RAB4A: variants seen among roughly 807,000 people sequenced by gnomAD.
RAB4A encodes RAB4A, member RAS oncogene family, also known as ras-related protein Rab-4A.
In RAB4A, 20 loss-of-function variants were observed where a neutral mutation model predicts 34.5. The observed-to-expected ratio is 0.58, with a 90% CI of 0.41 to 0.84. The LOEUF is 0.84. Ranked by LOEUF, RAB4A falls within the 40% of genes least tolerant of loss-of-function variation. The pLI is 0.00. For synonymous variants in RAB4A, 102 were observed against 100.0 expected (o/e 1.02, Z -0.12); for missense variants, 228 against 274.5 (o/e 0.83, Z 1.20).
Position 229,294,787 on chromosome 1 carries a change from G to A in RAB4A, c.228-1061G>A, listed in dbSNP as rs191454444. Among the ~76,000 whole-genome samples the A allele has an allele frequency of 2.0e-4, 31 of 152,254 alleles. No individual in the cohort carries two copies. In the East Asian group the frequency reaches 5.8e-3, roughly 28 times the overall value. On this transcript the variant is annotated intron_variant, in intron 3 of 7. Transcript: ENST00000366690. The stretch of plus-strand genomic sequence containing the variant: ...AGAGGTTGCAGAGAGCTGAGATCGC[G>A]CCATTGCACTCTAGCCTGGGTAACG...
chr1:229,295,879 G>A lies in RAB4A; in HGVS notation c.259G>A (p.Ala87Thr). ...SVTRSYYRGA[A>T]GALLVYDITS... is the part of the protein sequence containing the mutation. ...GACGAGAAGTTATTACCGAGGCGCG[G>A]CCGGGGCTCTCCTCGTCTATGATAT... The change falls in exon 4 of 8, where the codon GCC (alanine) becomes ACC (threonine). Residue 87 changes from alanine (A) to threonine (T), a missense_variant. Ala to Thr is a moderately conservative substitution (Grantham distance 58, BLOSUM62 0). Coordinates refer to ENST00000366690, the MANE Select transcript of RAB4A (RefSeq NM_004578.4). The A allele has an allele frequency of 1.2e-6, 2 of 1,614,084 alleles. No homozygotes were observed. Among genetic ancestry groups the A allele is most frequent in the South Asian group, 2.2e-5 (2 of 91,046 alleles).
At chr1:229,280,729 A>G (rs1656758478) in intron 1 of RAB4A, among the ~76,000 whole-genome samples, 1 of 152,206 alleles carries the variant, frequency 6.6e-6, no homozygotes, top group Admixed American at 6.5e-5. Flanking sequence ...GATACAGGAC[A>G]CTTCCGTCAC....
Position 229,271,112 on chromosome 1 carries a change from T to G in RAB4A, c.-228T>G. On this transcript the variant is annotated 5_prime_UTR_variant, in exon 1 of 8. Transcript: ENST00000366690. ...GCCGGGCCTCGCGTAGCCCATCTCC[T>G]CTTCCTCCTCGCGGTCGCGGCCGGA... is the stretch of plus-strand genomic sequence containing the variant. The G allele has an allele frequency of 2.8e-6, 1 of 353,476 alleles. No individual in the cohort carries two copies. The highest frequency in any genetic ancestry group is 4.8e-5 in the Admixed American group (1 of 20,852). The allele number at this position is 353,476 out of a possible 1,614,324, so 21.9% of individuals were successfully genotyped here. A position where few individuals can be genotyped will look rare whatever the true frequency, so the allele number is the denominator to read the frequency against.
chr1:229,294,331 A>G (rs945669661), intron 3 of RAB4A, among the ~76,000 whole-genome samples: 10 of 152,236 alleles, frequency 6.6e-5, no homozygotes, highest in Admixed American at 5.9e-4. Flanking sequence ...ATTCAGAAGA[A>G]TGACCAGAGC....
intron 3 of RAB4A, among the ~76,000 whole-genome samples, chr1:229,293,861 G>C (rs912444892): frequency 2.0e-5 from 3 of 152,172 alleles, no homozygotes; most frequent in Non-Finnish European, 4.4e-5. Flanking sequence ...GGAGTGGCAG[G>C]GGCTGGGAGC....
At chr1:229,289,059 C>T (rs1656995922) in intron 3 of RAB4A, 3 of 483,384 alleles carry the variant, frequency 6.2e-6, no homozygotes, top group Admixed American at 4.0e-5. Context: ...GGAGGATCTC[C>T]GCGCAACTGC....
intron 1 of RAB4A, among the ~76,000 whole-genome samples, chr1:229,278,862 CTGA>C (rs1656712449): frequency 1.3e-5 from 2 of 152,242 alleles, no homozygotes. Context: ...ACCAGAGATG[CTGA>C]TGATCAGTCA....
intron 6 of RAB4A, among the ~76,000 whole-genome samples, chr1:229,300,069 A>C (rs1192342076): frequency 6.6e-6 from 1 of 152,212 alleles, no homozygotes; most frequent in Non-Finnish European, 1.5e-5. Context: ...GTAGATTACC[A>C]ATTGTCAACC....
At chr1:229,278,085 G>T (rs769644616) in intron 1 of RAB4A, among the ~76,000 whole-genome samples, 1 of 152,084 alleles carries the variant, frequency 6.6e-6, no homozygotes, top group African/African-American at 2.4e-5. Context: ...GGCTGGTCTC[G>T]ATCTCCTAAC....
At chr1:229,275,060 G>A (rs944238539) in intron 1 of RAB4A, among the ~76,000 whole-genome samples, 2 of 152,152 alleles carry the variant, frequency 1.3e-5, no homozygotes, top group African/African-American at 2.4e-5. Context: ...TGTTCAGGTT[G>A]AATTGTGTTC....
At chr1:229,295,720 C>A (rs926000178) in intron 3 of RAB4A, 128 bp from the exon 4 acceptor site, 1 of 804,630 alleles carries the variant, frequency 1.2e-6, no homozygotes, top group African/African-American at 1.7e-5. Context: ...TGAATCATTT[C>A]TCTTTTAAAC....
At chr1:229,285,713 C>G (rs909528737) in intron 1 of RAB4A, among the ~76,000 whole-genome samples, 11 of 152,088 alleles carry the variant, frequency 7.2e-5, no homozygotes, top group African/African-American at 2.7e-4. Context: ...TACTCCCGAG[C>G]TCCTAAGCTC....
rs1240006326 is a variant in RAB4A, at chr1:229,304,573, A to G, written c.*780A>G. ...CTACTAATACTTCTCTCAGCAGTTG[A>G]TCAAATACAATAGACCATGTAAGCT... On this transcript the variant is annotated 3_prime_UTR_variant, in exon 8 of 8. Transcript: ENST00000366690. The G allele has an allele frequency of 6.6e-6, 1 of 152,212 alleles. No homozygotes were observed. The highest frequency in any genetic ancestry group is 1.9e-4 in the East Asian group (1 of 5,202). The allele number at this position is 152,212 out of a possible 1,614,324, so 9.4% of individuals were successfully genotyped here. A position where few individuals can be genotyped will look rare whatever the true frequency, so the allele number is the denominator to read the frequency against.
At chr1:229,292,384 A>G (rs964003738) in intron 3 of RAB4A, among the ~76,000 whole-genome samples, 3 of 152,242 alleles carry the variant, frequency 2.0e-5, no homozygotes, top group Admixed American at 6.5e-5. Context: ...GATGTGATAC[A>G]GCTTATCTTG....
At chr1:229,302,753 T>G in intron 6 of RAB4A, 109 bp from the exon 7 acceptor site, 1 of 683,116 alleles carries the variant, frequency 1.5e-6, no homozygotes, top group Non-Finnish European at 2.4e-6. Flanking sequence ...TTCAGAATGG[T>G]GGGATATATA....
intron 3 of RAB4A, 65 bp from the exon 4 acceptor site, chr1:229,295,783 T>C (rs1298783986): frequency 6.5e-7 from 1 of 1,529,232 alleles, no homozygotes; most frequent in East Asian, 2.3e-5. Flanking sequence ...TGTTTTTTCA[T>C]GGGAAAGTGG....
chr1:229,284,902 T>A (rs975012033), intron 1 of RAB4A, among the ~76,000 whole-genome samples: 3 of 152,214 alleles, frequency 2.0e-5, no homozygotes, highest in Admixed American at 1.3e-4. Flanking sequence ...AGTTCTTTTA[T>A]ATGTTCTGTC....
Position 229,271,284 on chromosome 1 carries a change from G to A in RAB4A, c.-56G>A. 3.8e-6 allele frequency: 5 copies of A among 1,326,266 alleles called. No individual in the cohort carries two copies. The highest frequency in any genetic ancestry group is 4.8e-6 in the Non-Finnish European group (5 of 1,037,362). 82.2% of individuals were successfully genotyped at this position (1,326,266 alleles called of 1,614,324 possible). ...GGTCCTTCCCCACCGAGACGCGCCG[G>A]CGGACCGCGGGCGAGTGCAGCCGGT... On this transcript the variant is annotated 5_prime_UTR_variant, in exon 1 of 8. Coordinates refer to ENST00000366690, the MANE Select transcript of RAB4A (RefSeq NM_004578.4).
intron 1 of RAB4A, among the ~76,000 whole-genome samples, chr1:229,283,677 T>C (rs1656835383): frequency 6.6e-6 from 1 of 151,602 alleles, no homozygotes; most frequent in Admixed American, 6.6e-5. Context: ...AAATCCCGGG[T>C]ACACTGAAAT....
Sources: allele counts gnomAD v4.1 joint callset (sites outside exome capture counted in the v4.1 genomes callset), GRCh38; gene constraint gnomAD v4.1.1; transcripts MANE v1.5; gene names NCBI Gene and HGNC (gene_info 2026-07-23, HGNC 2026-07-21).